The following ZNF521 variants were observed in gnomAD, a reference collection of about 807,000 sequenced individuals.
ZNF521 encodes zinc finger protein 521.
In ZNF521, 14 loss-of-function variants were observed where a neutral mutation model predicts 105.5. That is an observed-to-expected ratio of 0.13 (90% CI 0.09 to 0.21). The LOEUF (loss-of-function observed/expected upper bound fraction) is 0.21. ZNF521 is among the 10% of genes least tolerant of loss of function. The probability of loss-of-function intolerance (pLI) is 1.00; values close to 1 mark genes in which losing one functional copy is unlikely to be tolerated. For synonymous variants in ZNF521, 635 were observed against 606.0 expected, an observed-to-expected ratio of 1.05 and a Z score of -0.70; for missense variants, 1,233 against 1,629.7, an observed-to-expected ratio of 0.76 and a Z score of 4.19.
chr18:25,220,287 A>G (rs368778493), intron 4 of ZNF521, among the ~76,000 whole-genome samples: 2 of 152,364 alleles, frequency 1.3e-5, no homozygotes. Flanking sequence ...GCATTGGTCA[A>G]TTAGGCCAGA....
chr18:25,151,562 G>A (rs1306990172), intron 5 of ZNF521, among the ~76,000 whole-genome samples: 1 of 152,136 alleles, frequency 6.6e-6, no homozygotes, highest in Non-Finnish European at 1.5e-5. Flanking sequence ...GGCTCTTTTG[G>A]GAGGTGGTGA....
chr18:25,256,344 T>C (rs1281254739), intron 3 of ZNF521, among the ~76,000 whole-genome samples: 1 of 152,230 alleles, frequency 6.6e-6, no homozygotes, highest in East Asian at 1.9e-4. Flanking sequence ...GCACAAATGA[T>C]GTGAATGTAC....
chr18:25,117,082 C>CACAT (rs1449131209), intron 5 of ZNF521, among the ~76,000 whole-genome samples: 13,958 of 81,174 alleles, frequency 0.17, 967 homozygotes, highest in Non-Finnish European at 0.23. Context: ...CACACACACA[C>CACAT]ATACACACAT....
chr18:25,110,379 G>C (rs944547353), intron 5 of ZNF521, among the ~76,000 whole-genome samples: 1 of 151,992 alleles, frequency 6.6e-6, no homozygotes, highest in African/African-American at 2.4e-5. Flanking sequence ...AATCCCAAAA[G>C]TGTGGGGTTT....
intron 3 of ZNF521, among the ~76,000 whole-genome samples, chr18:25,255,760 A>C (rs1276612827): frequency 6.6e-6 from 1 of 151,908 alleles, no homozygotes; most frequent in Non-Finnish European, 1.5e-5. Context: ...AGAGTTAAGC[A>C]TACGACCCAG....
At chr18:25,223,611 G>T (rs1905881992) in intron 4 of ZNF521, among the ~76,000 whole-genome samples, 1 of 151,620 alleles carries the variant, frequency 6.6e-6, no homozygotes, top group South Asian at 2.1e-4. Context: ...GATGACTTAT[G>T]AAATGATTTC....
At chr18:25,266,788 G>A (rs1224826225) in intron 3 of ZNF521, among the ~76,000 whole-genome samples, 6 of 152,160 alleles carry the variant, frequency 3.9e-5, no homozygotes, top group East Asian at 3.9e-4. Flanking sequence ...GGGTGCCTAC[G>A]CCACCAGGGC....
intron 7 of ZNF521, among the ~76,000 whole-genome samples, chr18:25,072,948 ACCT>A (rs2033262757): frequency 6.6e-6 from 1 of 152,048 alleles, no homozygotes; most frequent in Non-Finnish European, 1.5e-5. Context: ...GTTAAGAATG[ACCT>A]CCTTCCAATT....
intron 3 of ZNF521, among the ~76,000 whole-genome samples, chr18:25,308,812 A>C (rs1912138019): frequency 6.6e-6 from 1 of 152,076 alleles, no homozygotes; most frequent in African/African-American, 2.4e-5. Context: ...AAAACACACT[A>C]CTGGGAGGTG....
At chr18:25,313,250 C>A (rs1246656345) in intron 3 of ZNF521, among the ~76,000 whole-genome samples, 1 of 152,058 alleles carries the variant, frequency 6.6e-6, no homozygotes, top group Non-Finnish European at 1.5e-5. Context: ...GCAAACTGGA[C>A]TTACGGATCA....
chr18:25,077,824 C>T (rs951501478), intron 7 of ZNF521, among the ~76,000 whole-genome samples: 1 of 151,722 alleles, frequency 6.6e-6, no homozygotes, highest in Non-Finnish European at 1.5e-5. Flanking sequence ...AGGAAGACAA[C>T]GAAGAAGAGG....
In ZNF521 at chr18:25,284,333, C is replaced by T. The variant is rs560963718; in HGVS notation, c.220+37675G>A. Among the ~76,000 whole-genome samples the T allele has an allele frequency of 6.6e-5, 10 of 152,016 alleles. No individual in the cohort carries two copies. In the East Asian group the frequency reaches 1.4e-3, roughly 21 times the overall value. On this transcript the variant is annotated intron_variant, in intron 3 of 7. Transcript: ENST00000361524. Reference sequence around the variant, plus strand: ...CACACACACACATACACACACTAAACGCACTGCTCTAGCTATCCTTTACTT... The same window carrying T: ...CACACACACACATACACACACTAAATGCACTGCTCTAGCTATCCTTTACTT...
chr18:25,312,143 G>A (rs12456739), intron 3 of ZNF521, among the ~76,000 whole-genome samples: 77,497 of 151,706 alleles, frequency 0.51, 19,937 homozygotes, highest in Admixed American at 0.54. Context: ...ACAGAGAAAT[G>A]TTTCTTATAT....
chr18:25,180,123 T>C (rs2035606409), intron 5 of ZNF521, among the ~76,000 whole-genome samples: 1 of 152,110 alleles, frequency 6.6e-6, no homozygotes, highest in Admixed American at 6.5e-5. Context: ...TTTTTGCCCA[T>C]AAACAAACCC....
At chr18:25,223,124 A>G (rs1227291750) in intron 4 of ZNF521, among the ~76,000 whole-genome samples, 1 of 152,234 alleles carries the variant, frequency 6.6e-6, no homozygotes, top group South Asian at 2.1e-4. Context: ...ATTTGTTTCA[A>G]AAGAAACAAT....
In ZNF521 at chr18:25,225,992, C is replaced by T. The variant is rs759848966; in HGVS notation, c.1926G>A (p.Lys642=). 8.1e-6 allele frequency: 13 copies of T among 1,614,070 alleles called. No individual in the cohort carries two copies. Among genetic ancestry groups the T allele is most frequent in the Non-Finnish European group, 1.1e-5 (13 of 1,180,038 alleles). The change falls in exon 4 of 8, where the codon AAG becomes AAA. Residue 642 remains lysine, a synonymous_variant. Transcript: ENST00000361524. The surrounding 1 kb of genome is among the most constrained non-coding windows in gnomAD (Gnocchi z 5.6). ...TCTGAAAGCTGTCTAGGGATGTGTA[C>T]TTAGCACCACATTGATTACAGATAT... is the stretch of plus-strand genomic sequence containing the variant. ...GEYICNQCGA[K]YTSLDSFQTH...
chr18:25,285,733 T>C (rs1600258133), intron 3 of ZNF521, among the ~76,000 whole-genome samples: 2 of 133,792 alleles, frequency 1.5e-5, no homozygotes, highest in East Asian at 2.6e-4. Context: ...CACACACACG[T>C]ACGCGCCTGC....
chr18:25,148,913 T>C (rs1213162595), intron 5 of ZNF521, among the ~76,000 whole-genome samples: 1 of 152,226 alleles, frequency 6.6e-6, no homozygotes, highest in Non-Finnish European at 1.5e-5. Context: ...ATCTATTATT[T>C]ATACAAGTAC....
intron 5 of ZNF521, among the ~76,000 whole-genome samples, chr18:25,180,797 T>C (rs2035619281): frequency 6.6e-6 from 1 of 152,126 alleles, no homozygotes; most frequent in Admixed American, 6.5e-5. Context: ...TTTTGTGGCA[T>C]TAGTGCTCTG....
Sources: gnomAD v4.1 joint callset for allele counts (sites outside exome capture counted in the v4.1 genomes callset) on GRCh38, gnomAD v4.1.1 for gene constraint, Gnocchi (gnomAD v3.1) non-coding constraint, MANE v1.5 for transcripts, NCBI Gene and HGNC (gene_info 2026-07-23, HGNC 2026-07-21) for gene names.